Variants in SPHKAP observed in about 807,000 individuals in gnomAD.
SPHKAP encodes SPHK1 interactor, AKAP domain containing, also known as A-kinase anchor protein SPHKAP.
Under a neutral mutation model 137.5 loss-of-function variants are expected in SPHKAP, and 67 were observed. The observed-to-expected ratio is 0.49, with a 90% CI of 0.40 to 0.60. The LOEUF (loss-of-function observed/expected upper bound fraction) is 0.60. Among genes scored for constraint, SPHKAP ranks in the 20% least tolerant of loss-of-function variants. The pLI is 0.00. For missense variants in SPHKAP, 2,097 were observed against 2,069.3 expected, an observed-to-expected ratio of 1.01 and a Z score of -0.26; for synonymous variants, 813 against 785.3, an observed-to-expected ratio of 1.04 and a Z score of -0.59.
chr2:228,113,864 G>A (rs1286316307), intron 2 of SPHKAP, among the ~76,000 whole-genome samples: 2 of 152,080 alleles, frequency 1.3e-5, no homozygotes, highest in East Asian at 3.9e-4. Context: ...TATGCATTGA[G>A]AGCCAAATAA....
intron 1 of SPHKAP, among the ~76,000 whole-genome samples, chr2:228,143,522 G>T (rs1025793061): frequency 6.6e-6 from 1 of 151,596 alleles, no homozygotes; most frequent in African/African-American, 2.4e-5. Context: ...TGAGATGGGG[G>T]TCTCACTCTG....
At chr2:228,121,497 C>T (rs890071968) in intron 2 of SPHKAP, among the ~76,000 whole-genome samples, 1 of 152,238 alleles carries the variant, frequency 6.6e-6, no homozygotes, top group Admixed American at 6.5e-5. Context: ...GGCTGGGTGA[C>T]AGAGCAAGAC....
intron 1 of SPHKAP, among the ~76,000 whole-genome samples, chr2:228,165,152 A>AC (rs1284361300): frequency 2.3e-4 from 34 of 146,036 alleles, no homozygotes; most frequent in African/African-American, 8.3e-4. Context: ...CTGTGGCAGC[A>AC]TTTTTTTTTT....
rs898926824 is a variant in SPHKAP, at chr2:228,017,073, C to G, written c.3781G>C (p.Asp1261His). Residue 1261 changes from aspartate to histidine, a missense_variant, in exon 7 of 12, where the codon GAT becomes CAT. Coordinates refer to ENST00000392056, the MANE Select transcript of SPHKAP (RefSeq NM_001142644.2). Reference protein sequence around the residue: ...VNVPIKANSLDGFAQNCPQDF... With the variant: ...VNVPIKANSLHGFAQNCPQDF... ...TGTGGGCAGTTCTGAGCAAAGCCAT[C>G]TAAAGAGTTGGCTTTGATGGGCACA... 6 of 1,613,994 alleles carry G rather than the reference C, an allele frequency of 3.7e-6. No homozygotes were observed. In the Admixed American group the frequency reaches 6.7e-5, roughly 18 times the overall value.
intron 2 of SPHKAP, among the ~76,000 whole-genome samples, chr2:228,115,739 A>G (rs1173316912): frequency 1.3e-5 from 2 of 152,146 alleles, no homozygotes; most frequent in East Asian, 1.9e-4. Context: ...TGTGGTGGGT[A>G]TCATGAAGAA....
At chr2:228,041,115 T>A (rs528498605) in intron 3 of SPHKAP, among the ~76,000 whole-genome samples, 1 of 152,314 alleles carries the variant, frequency 6.6e-6, no homozygotes, top group African/African-American at 2.4e-5. Context: ...TTTTCCTATA[T>A]GATTTTTTAG....
chr2:228,006,075 G>T (rs1255452684), intron 7 of SPHKAP, among the ~76,000 whole-genome samples: 2 of 152,070 alleles, frequency 1.3e-5, no homozygotes, highest in East Asian at 1.9e-4. Context: ...TCCTGAATTT[G>T]AATGTTGGCC....
intron 11 of SPHKAP, among the ~76,000 whole-genome samples, chr2:227,990,350 C>T (rs569060827): frequency 3.3e-5 from 5 of 152,256 alleles, no homozygotes; most frequent in East Asian, 3.9e-4. Flanking sequence ...TCTTTTAAAA[C>T]GAGTCTACTT....
Position 228,019,077 on chromosome 2 carries a change from C to T in SPHKAP, c.1777G>A (p.Ala593Thr). ...VAPSGSLPPA[A>T]EASEAMPPLC... ...GGGGGCATGGCTTCAGAAGCCTCAG[C>T]TGCAGGCGGGAGGCTACCACTTGGA... The change falls in exon 7 of 12, where the codon GCT becomes ACT. Residue 593 changes from alanine to threonine, a missense_variant. Transcript: ENST00000392056. 1 of 1,614,088 alleles carries T rather than the reference C, an allele frequency of 6.2e-7. No homozygotes were observed. The highest frequency in any genetic ancestry group is 8.5e-7 in the Non-Finnish European group (1 of 1,179,992).
chr2:228,139,844 A>G (rs1052922664), intron 1 of SPHKAP, among the ~76,000 whole-genome samples: 3 of 151,414 alleles, frequency 2.0e-5, no homozygotes, highest in African/African-American at 7.3e-5. Context: ...GCATATTTAT[A>G]CATGAATACC....
At chr2:228,001,250 C>A (rs181554757) in intron 7 of SPHKAP, among the ~76,000 whole-genome samples, 3 of 98,126 alleles carry the variant, frequency 3.1e-5, no homozygotes, top group Non-Finnish European at 6.4e-5. Context: ...TATATATATA[C>A]ACACACACAC....
rs1559330056 is a variant in SPHKAP, at chr2:227,980,235, G to GACTATCTGAAT, written c.*1471_*1481dup. On this transcript the variant is annotated 3_prime_UTR_variant, in exon 12 of 12. Coordinates refer to ENST00000392056, the MANE Select transcript of SPHKAP (RefSeq NM_001142644.2). ...AATTAAGCATAATAACCTAAATTTG[G>GACTATCTGAAT]ACTATCTGAATAAGAAATGCCTAAT... 6.6e-6 allele frequency: 1 copy of GACTATCTGAAT among 152,298 alleles called. No homozygotes were observed. The highest frequency in any genetic ancestry group is 2.4e-5 in the African/African-American group (1 of 41,440). The allele number at this position is 152,298 out of a possible 1,614,324, so 9.4% of individuals were successfully genotyped here.
intron 4 of SPHKAP, 100 bp from the exon 5 acceptor site, chr2:228,025,628 A>ACATATAGACTGCTTAAT: frequency 7.5e-7 from 1 of 1,325,682 alleles, no homozygotes; most frequent in Non-Finnish European, 1.0e-6. Context: ...AACTGCTCAT[A>ACATATAGACTGCTTAAT]CATATAGACT....
At chr2:228,003,582 A>G (rs1441526737) in intron 7 of SPHKAP, among the ~76,000 whole-genome samples, 1 of 152,240 alleles carries the variant, frequency 6.6e-6, no homozygotes, top group Non-Finnish European at 1.5e-5. Context: ...TGCCCTGTCC[A>G]GAACTTCCAA....
chr2:228,055,505 G>A (rs1388046607), intron 3 of SPHKAP, among the ~76,000 whole-genome samples: 1 of 152,190 alleles, frequency 6.6e-6, no homozygotes, highest in Non-Finnish European at 1.5e-5. Context: ...TGAAGTGTCT[G>A]GTGGGGGAGA....
chr2:228,161,951 C>T (rs948311296), intron 1 of SPHKAP, among the ~76,000 whole-genome samples: 11 of 152,146 alleles, frequency 7.2e-5, no homozygotes, highest in African/African-American at 2.7e-4. Context: ...ATTATTAAAT[C>T]AGAGCATGGT....
intron 3 of SPHKAP, among the ~76,000 whole-genome samples, chr2:228,059,469 G>A (rs1461384641): frequency 6.6e-6 from 1 of 152,206 alleles, no homozygotes; most frequent in Non-Finnish European, 1.5e-5. Context: ...TCATGGTCTT[G>A]CAGAGGATAC....
intron 1 of SPHKAP, among the ~76,000 whole-genome samples, chr2:228,139,950 T>A (rs150265009): frequency 0.016 from 1,226 of 78,804 alleles, 12 homozygotes; most frequent in African/African-American, 0.042. Flanking sequence ...CTTTTCTTTT[T>A]TCTTTTTCTT....
chr2:228,004,309 A>T (rs896662388), intron 7 of SPHKAP, among the ~76,000 whole-genome samples: 1 of 152,050 alleles, frequency 6.6e-6, no homozygotes. Flanking sequence ...TGTGTTGAGG[A>T]ATTTATCCGT....
Sources: allele counts gnomAD v4.1 joint callset (sites outside exome capture counted in the v4.1 genomes callset), GRCh38; gene constraint gnomAD v4.1.1; transcripts MANE v1.5; gene names NCBI Gene and HGNC (gene_info 2026-07-23, HGNC 2026-07-21).